FMN2: variants seen among roughly 807,000 people sequenced by gnomAD.
The protein encoded by FMN2 is formin 2, also known as formin-2.
In FMN2, 51 loss-of-function variants were observed where a neutral mutation model predicts 142.3. That is an observed-to-expected ratio of 0.36 (90% CI 0.29 to 0.45). The LOEUF is 0.45. Among genes scored for constraint, FMN2 ranks in the 20% least tolerant of loss-of-function variants. FMN2 has a pLI of 1.00. For missense variants in FMN2, 1,936 were observed against 2,122.8 expected (o/e 0.91, Z 1.73); for synonymous variants, 882 against 869.8 (o/e 1.01, Z -0.25).
chr1:240,161,464 C>T (rs1156971938), intron 2 of FMN2, among the ~76,000 whole-genome samples: 10 of 150,422 alleles, frequency 6.6e-5, no homozygotes, highest in South Asian at 4.2e-4. Flanking sequence ...ACCTGGGAGG[C>T]GGAACGTGCA....
intron 15 of FMN2, among the ~76,000 whole-genome samples, chr1:240,434,215 C>T (rs991073714): frequency 2.6e-5 from 4 of 152,142 alleles, no homozygotes; most frequent in South Asian, 4.1e-4. Context: ...AGGGTCATTT[C>T]GAGGGAGTCT....
At chr1:240,224,451 G>T (rs1042638951) in intron 6 of FMN2, among the ~76,000 whole-genome samples, 38 of 151,954 alleles carry the variant, frequency 2.5e-4, no homozygotes, top group African/African-American at 9.2e-4. Context: ...TGAGAAGAAT[G>T]TATATTCTGT....
At chr1:240,387,088 A>G (rs1292241795) in intron 14 of FMN2, among the ~76,000 whole-genome samples, 6 of 152,232 alleles carry the variant, frequency 3.9e-5, no homozygotes, top group Admixed American at 1.3e-4. Flanking sequence ...TTTTAGGTCT[A>G]TTCAAATAAG....
At chr1:240,380,275 TAA>T (rs1367414486) in intron 14 of FMN2, among the ~76,000 whole-genome samples, 2 of 152,148 alleles carry the variant, frequency 1.3e-5, no homozygotes, top group African/African-American at 4.8e-5. Flanking sequence ...AAAATAATAT[TAA>T]GTGTCTTCTC....
intron 1 of FMN2, among the ~76,000 whole-genome samples, chr1:240,121,982 T>A (rs1354464398): frequency 6.6e-6 from 1 of 151,930 alleles, no homozygotes; most frequent in African/African-American, 2.4e-5. Flanking sequence ...TGAGTCTAAA[T>A]GGCGGCATGA....
chr1:240,360,684 C>T (rs1446260072), intron 14 of FMN2, among the ~76,000 whole-genome samples: 4 of 151,976 alleles, frequency 2.6e-5, no homozygotes, highest in Admixed American at 1.3e-4. Flanking sequence ...ATGTTTATTG[C>T]GGCACTATTC....
chr1:240,193,569 T>G (rs1466903041), intron 4 of FMN2, among the ~76,000 whole-genome samples: 1 of 151,994 alleles, frequency 6.6e-6, no homozygotes, highest in African/African-American at 2.4e-5. Flanking sequence ...AGGTAGAAAA[T>G]TGGAAGTGAA....
chr1:240,240,492 C>T (rs1667860514), intron 6 of FMN2, among the ~76,000 whole-genome samples: 1 of 152,152 alleles, frequency 6.6e-6, no homozygotes, highest in Admixed American at 6.5e-5. Flanking sequence ...TTATCTGCAT[C>T]ACGTCTTTTA....
At chr1:240,203,162 C>T (rs7531670) in intron 4 of FMN2, among the ~76,000 whole-genome samples, 115,009 of 152,076 alleles carry the variant, frequency 0.76, 45,064 homozygotes, top group African/African-American at 0.94. Flanking sequence ...TTCTTGTACT[C>T]ACTATCATCA....
intron 15 of FMN2, among the ~76,000 whole-genome samples, chr1:240,406,444 T>C (rs1674203089): frequency 6.6e-6 from 1 of 152,088 alleles, no homozygotes; most frequent in South Asian, 2.1e-4. Flanking sequence ...AGTGCCTCTG[T>C]TAAGATCGCG....
chr1:240,384,495 A>G (rs185866388), intron 14 of FMN2, among the ~76,000 whole-genome samples: 2 of 151,914 alleles, frequency 1.3e-5, no homozygotes, highest in Admixed American at 6.6e-5. Flanking sequence ...ATCTCGAACT[A>G]TGGTGCACCT....
rs568308648 is a variant in FMN2, at chr1:240,206,825, A to G, written c.2013A>G (p.Gly671=). The G allele has an allele frequency of 1.2e-6, 2 of 1,612,868 alleles. No individual in the cohort carries two copies. The highest frequency in any genetic ancestry group is 1.7e-6 in the Non-Finnish European group (2 of 1,179,056). Residue 671 remains glycine (G), a synonymous_variant, in exon 5 of 18, where the codon GGA becomes GGG. Transcript: ENST00000319653. ...AAGTTGTTGACATGAAGTCTGAGGG[A>G]CAGGCCACTGTAATTCAGCAGCTGG... The part of the protein sequence containing the change: ...QKEVVDMKSE[G]QATVIQQLEQ...
chr1:240,321,724 A>T (rs554831742), intron 8 of FMN2, among the ~76,000 whole-genome samples: 1 of 152,336 alleles, frequency 6.6e-6, no homozygotes, highest in African/African-American at 2.4e-5. Context: ...ATCACATTAG[A>T]TTGAATGCAA....
intron 2 of FMN2, among the ~76,000 whole-genome samples, chr1:240,154,358 AT>A (rs1299883497): frequency 5.9e-5 from 9 of 152,164 alleles, no homozygotes; most frequent in Admixed American, 3.3e-4. Flanking sequence ...GAAAGGTGGC[AT>A]TTGAAGTGGC....
chr1:240,202,321 TA>T (rs968483395), intron 4 of FMN2, among the ~76,000 whole-genome samples: 61 of 152,090 alleles, frequency 4.0e-4, no homozygotes, highest in African/African-American at 1.1e-3. Context: ...TTAGAAAGGT[TA>T]AAAAAAATCC....
intron 7 of FMN2, among the ~76,000 whole-genome samples, chr1:240,269,332 T>G (rs57420278): frequency 0.28 from 41,800 of 151,948 alleles, 5,935 homozygotes; most frequent in Middle Eastern, 0.35. Context: ...CTTGACACCT[T>G]TGTTGCAAAT....
intron 4 of FMN2, among the ~76,000 whole-genome samples, chr1:240,206,403 G>A (rs1364131022): frequency 6.6e-6 from 1 of 152,108 alleles, no homozygotes; most frequent in East Asian, 1.9e-4. Flanking sequence ...TTAAAAAGCA[G>A]TGACTACCTT....
chr1:240,203,492 G>A (rs1666208738), intron 4 of FMN2, among the ~76,000 whole-genome samples: 7 of 152,280 alleles, frequency 4.6e-5, no homozygotes, highest in Admixed American at 3.9e-4. Flanking sequence ...AAAGGAATGC[G>A]ATCATGTCCT....
chr1:240,330,783 T>C lies in FMN2; in HGVS notation c.4584+34T>C, dbSNP rs770956293. 3.1e-6 allele frequency: 5 copies of C among 1,600,434 alleles called. No homozygotes were observed. In the Admixed American group the frequency reaches 7.0e-5, roughly 22 times the overall value. On this transcript the variant is annotated intron_variant, in intron 11 of 17. Transcript: ENST00000319653. ...TTTGCATGAGTGGACGTAAGCACATTGAGGAGTCAAGGTTTTGTTTAGTAA... is the reference window on the plus strand; with the variant it reads ...TTTGCATGAGTGGACGTAAGCACATCGAGGAGTCAAGGTTTTGTTTAGTAA...
Sources: gnomAD v4.1 joint callset for allele counts (sites outside exome capture counted in the v4.1 genomes callset) on GRCh38, gnomAD v4.1.1 for gene constraint, MANE v1.5 for transcripts, NCBI Gene and HGNC (gene_info 2026-07-23, HGNC 2026-07-21) for gene names.